BLTP3A: variants seen among roughly 807,000 people sequenced by gnomAD.
The protein encoded by BLTP3A is bridge-like lipid transfer protein family member 3A, also known as ICBP90 binding protein 1.
the BLTP3A span, among the ~76,000 whole-genome samples, chr6:34,850,077 A>G: frequency 6.9e-6 from 1 of 144,650 alleles, no homozygotes; most frequent in Non-Finnish European, 1.5e-5. Context: ...TGGGAGGTGG[A>G]GGTTGTGGTG....
At chr6:34,834,360 A>G in the BLTP3A span, 1 of 1,613,876 alleles carries the variant, frequency 6.2e-7, no homozygotes, top group Non-Finnish European at 8.5e-7. Context: ...AACTGGCAGC[A>G]GAGTGACCTT....
the BLTP3A span, among the ~76,000 whole-genome samples, chr6:34,820,136 G>A: frequency 6.6e-6 from 1 of 151,522 alleles, no homozygotes; most frequent in Non-Finnish European, 1.5e-5. Flanking sequence ...ACTTCATGTA[G>A]CTCCCTCTTC....
At chr6:34,796,693 C>T in the BLTP3A span, among the ~76,000 whole-genome samples, 6 of 152,332 alleles carry the variant, frequency 3.9e-5, no homozygotes, top group East Asian at 1.2e-3. Context: ...GGAGCATGGG[C>T]TCTGGAGCCA....
At chr6:34,836,424 G>C in the BLTP3A span, 1 of 1,403,908 alleles carries the variant, frequency 7.1e-7, no homozygotes, top group Admixed American at 2.0e-5. Flanking sequence ...GGGGATGAAG[G>C]CTCTTTTCAG....
At chr6:34,841,683 T>C in the BLTP3A span, among the ~76,000 whole-genome samples, 5 of 152,140 alleles carry the variant, frequency 3.3e-5, no homozygotes, top group Admixed American at 6.6e-5. Flanking sequence ...GTATTAGAGG[T>C]GAAATGATCG....
At chr6:34,817,887 T>G in the BLTP3A span, among the ~76,000 whole-genome samples, 1 of 149,270 alleles carries the variant, frequency 6.7e-6, no homozygotes, top group East Asian at 2.0e-4. Flanking sequence ...GGAGTCTCGC[T>G]CTGTCGCCCA....
chr6:34,827,602 G>A, the BLTP3A span, among the ~76,000 whole-genome samples: 8 of 152,296 alleles, frequency 5.3e-5, no homozygotes, highest in Non-Finnish European at 1.0e-4. Flanking sequence ...CATTAGGGAT[G>A]TATGGTCAAA....
chr6:34,843,111 G>A, the BLTP3A span, among the ~76,000 whole-genome samples: 1 of 152,032 alleles, frequency 6.6e-6, no homozygotes, highest in Non-Finnish European at 1.5e-5. Flanking sequence ...AGCCTCCCAA[G>A]TAGCTGGGAC....
the BLTP3A span, among the ~76,000 whole-genome samples, chr6:34,814,990 A>G: frequency 7.4e-4 from 112 of 152,322 alleles, no homozygotes; most frequent in African/African-American, 2.5e-3. Flanking sequence ...ACCTGGGTTC[A>G]TACTGCCTCT....
At chr6:34,804,270 G>C in the BLTP3A span, among the ~76,000 whole-genome samples, 2 of 152,190 alleles carry the variant, frequency 1.3e-5, no homozygotes, top group Non-Finnish European at 1.5e-5. Context: ...GCTGGACCCA[G>C]ACCCTGAGCT....
At chr6:34,800,973 C>T in the BLTP3A span, among the ~76,000 whole-genome samples, 1 of 152,262 alleles carries the variant, frequency 6.6e-6, no homozygotes, top group East Asian at 1.9e-4. Flanking sequence ...AAGTAATCCA[C>T]CTACCTGAGC....
chr6:34,836,456 G>A, the BLTP3A span: 16 of 1,113,276 alleles, frequency 1.4e-5, no homozygotes, highest in Non-Finnish European at 2.1e-5. Context: ...GAGTACTTTG[G>A]TTGGCTTCCC....
At chr6:34,861,896 T>A in the BLTP3A span, among the ~76,000 whole-genome samples, 1 of 152,228 alleles carries the variant, frequency 6.6e-6, no homozygotes, top group Non-Finnish European at 1.5e-5. Context: ...AATACATGAT[T>A]TTTAATTGCT....
the BLTP3A span, chr6:34,870,863 T>G: frequency 8.7e-6 from 14 of 1,613,992 alleles, no homozygotes; most frequent in Admixed American, 2.3e-4. Flanking sequence ...GGTACATGCT[T>G]TCAGGAATCC....
chr6:34,821,835 T>C, the BLTP3A span: 1 of 1,614,138 alleles, frequency 6.2e-7, no homozygotes, highest in Non-Finnish European at 8.5e-7. Flanking sequence ...AGGGTCAGAA[T>C]GCTGCTGTTC....
the BLTP3A span, among the ~76,000 whole-genome samples, chr6:34,847,921 CT>C: frequency 2.1e-3 from 191 of 91,148 alleles, 3 homozygotes; most frequent in East Asian, 0.038. Flanking sequence ...TCTTTTTTTC[CT>C]TTTTTTTTTT....
chr6:34,835,246 T>A, the BLTP3A span: 8 of 1,580,764 alleles, frequency 5.1e-6, no homozygotes, highest in African/African-American at 1.4e-5. Flanking sequence ...CTTTGAAAGT[T>A]GGAATGATAC....
At chr6:34,867,135 T>C in the BLTP3A span, 9 of 1,372,292 alleles carry the variant, frequency 6.6e-6, no homozygotes, top group Non-Finnish European at 8.7e-6. Context: ...AAGTATTTTG[T>C]TTTATTTTTA....
chr6:34,858,948 G>T, the BLTP3A span: 40 of 1,614,014 alleles, frequency 2.5e-5, no homozygotes, highest in Non-Finnish European at 3.2e-5. Flanking sequence ...GGTCTCCCCT[G>T]CAGAATCAGA....
Sources: allele counts gnomAD v4.1 joint callset (sites outside exome capture counted in the v4.1 genomes callset), GRCh38; gene constraint gnomAD v4.1.1; transcripts MANE v1.5; gene names NCBI Gene and HGNC (gene_info 2026-07-23, HGNC 2026-07-21).